ERLEC1: variants seen among roughly 807,000 people sequenced by gnomAD.
ERLEC1 encodes the protein ER lectin.
A neutral mutation model predicts 68.0 loss-of-function variants in ERLEC1; 47 were observed. That is an observed-to-expected ratio of 0.69 (90% CI 0.55 to 0.88). The LOEUF is 0.88. ERLEC1 is among the 40% of genes least tolerant of loss of function. ERLEC1 has a pLI of 0.00. For synonymous variants in ERLEC1, 225 were observed against 203.2 expected (o/e 1.11, Z -0.91); for missense variants, 567 against 583.8 (o/e 0.97, Z 0.30).
chr2:53,788,877 A>G (rs1675228754), intron 1 of ERLEC1, among the ~76,000 whole-genome samples: 1 of 152,112 alleles, frequency 6.6e-6, no homozygotes, highest in South Asian at 2.1e-4. Context: ...TGGAGTGAAT[A>G]TGGCAGATGT....
rs1237346282 is a variant in ERLEC1 at position 53,808,417 on chromosome 2, A to T, written c.998A>T (p.Gln333Leu). ...TTHISKLTDDQLIKEFLSGSY... is the reference protein window; with the variant it reads ...TTHISKLTDDLLIKEFLSGSY... The stretch of plus-strand genomic sequence containing the variant: ...CACATATCCAAATTGACAGATGACC[A>T]ACTCATAAAAGAGTTTCTTAGTGGT... The change falls in exon 9 of 14, where the codon CAA becomes CTA. Residue 333 changes from glutamine to leucine, a missense_variant. Gln to Leu is a moderately radical substitution (Grantham distance 113, BLOSUM62 -2). Transcript: ENST00000185150. 2 of 1,614,088 alleles carry T rather than the reference A, an allele frequency of 1.2e-6. No homozygotes were observed.
chr2:53,814,829 G>A (rs1676778007), intron 12 of ERLEC1, 31 bp from the exon 13 acceptor site: 1 of 1,506,594 alleles, frequency 6.6e-7, no homozygotes, highest in Non-Finnish European at 9.2e-7. Context: ...TAAATGATTT[G>A]GACAGTACCT....
intron 8 of ERLEC1, among the ~76,000 whole-genome samples, chr2:53,805,916 A>G (rs1041531639): frequency 6.6e-6 from 1 of 152,272 alleles, no homozygotes; most frequent in Non-Finnish European, 1.5e-5. Flanking sequence ...GATACTTAGT[A>G]TCTTTAGGGT....
In ERLEC1 at chr2:53,817,895, T is replaced by C. The variant is rs1394098360; in HGVS notation, c.1381-3T>C. The C allele has an allele frequency of 3.8e-6, 6 of 1,599,516 alleles. No individual in the cohort carries two copies. The African/African-American group carries it at 4.0e-5, about 11-fold the overall frequency. On this transcript the variant is annotated splice_polypyrimidine_tract_variant and splice_region_variant and intron_variant, in intron 13 of 13. Transcript: ENST00000185150. Reference sequence around the variant, plus strand: ...TTTTAATGGCTTTGTTGTTCTTCTTTAGGTTGAATCTCCAGTGATCTGTAA... The same window carrying C: ...TTTTAATGGCTTTGTTGTTCTTCTTCAGGTTGAATCTCCAGTGATCTGTAA...
chr2:53,801,955 C>A, intron 8 of ERLEC1, 113 bp downstream of exon 8: 1 of 822,750 alleles, frequency 1.2e-6, no homozygotes, highest in Non-Finnish European at 1.9e-6. Context: ...ATTTTACTGG[C>A]CCAACCTTTT....
intron 8 of ERLEC1, among the ~76,000 whole-genome samples, chr2:53,805,777 G>A (rs1267455195): frequency 6.6e-6 from 1 of 152,062 alleles, no homozygotes; most frequent in Non-Finnish European, 1.5e-5. Flanking sequence ...AGTATACAAG[G>A]GTTACCTTTC....
intron 3 of ERLEC1, 40 bp from the exon 4 acceptor site, chr2:53,797,475 A>G: frequency 1.4e-6 from 2 of 1,462,614 alleles, no homozygotes; most frequent in Non-Finnish European, 1.9e-6. Context: ...CAGCTGAGTT[A>G]TGTGGCTTTT....
intron 6 of ERLEC1, among the ~76,000 whole-genome samples, chr2:53,800,247 C>G (rs1219594295): frequency 1.3e-5 from 2 of 152,062 alleles, no homozygotes; most frequent in African/African-American, 4.8e-5. Context: ...TACAGAATAT[C>G]AGTCATTTCT....
chr2:53,816,872 G>T (rs999401554), intron 13 of ERLEC1, among the ~76,000 whole-genome samples: 3 of 152,086 alleles, frequency 2.0e-5, no homozygotes, highest in African/African-American at 4.8e-5. Context: ...TCTCCTCAAA[G>T]ATTTATTCTG....
intron 10 of ERLEC1, among the ~76,000 whole-genome samples, chr2:53,811,071 C>G (rs1477904258): frequency 6.6e-6 from 1 of 152,070 alleles, no homozygotes; most frequent in Non-Finnish European, 1.5e-5. Context: ...CTTGGTATAA[C>G]TTTTTTATTT....
chr2:53,796,889 C>CTTTTT (rs958244464), intron 3 of ERLEC1, among the ~76,000 whole-genome samples: 42 of 117,230 alleles, frequency 3.6e-4, no homozygotes, highest in Non-Finnish European at 5.3e-4. Flanking sequence ...TTTTCTTTTT[C>CTTTTT]TTTTTTTTTT....
intron 1 of ERLEC1, among the ~76,000 whole-genome samples, chr2:53,793,541 C>T (rs1192990250): frequency 1.3e-5 from 2 of 152,260 alleles, no homozygotes; most frequent in Admixed American, 6.5e-5. Flanking sequence ...TGGCCCTTTA[C>T]AAAAGTTTAA....
chr2:53,796,020 A>G lies in ERLEC1; in HGVS notation c.348+7A>G, dbSNP rs1675676493. On this transcript the variant is annotated splice_region_variant and intron_variant, in intron 3 of 13. Coordinates refer to ENST00000185150, the MANE Select transcript of ERLEC1 (RefSeq NM_015701.5). ...AAGCAGTTGTTCCTACAGAGTATGT[A>G]TTTTATGTTTACTTGATGACTAGAA... 6.4e-7 allele frequency: 1 copy of G among 1,568,946 alleles called. No individual in the cohort carries two copies. The highest frequency in any genetic ancestry group is 8.6e-7 in the Non-Finnish European group (1 of 1,156,672).
intron 8 of ERLEC1, among the ~76,000 whole-genome samples, chr2:53,807,725 G>A (rs1180547722): frequency 2.6e-5 from 4 of 152,086 alleles, no homozygotes; most frequent in Non-Finnish European, 5.9e-5. Context: ...AATGAGACAA[G>A]GTTGGGCATG....
At chr2:53,813,508 A>G (rs1199935423) in intron 11 of ERLEC1, among the ~76,000 whole-genome samples, 1 of 152,216 alleles carries the variant, frequency 6.6e-6, no homozygotes, top group African/African-American at 2.4e-5. Flanking sequence ...AACTGGCTCA[A>G]TTCTGTCAGA....
At chr2:53,798,809 ATTG>A (rs1675852660) in intron 5 of ERLEC1, among the ~76,000 whole-genome samples, 1 of 152,002 alleles carries the variant, frequency 6.6e-6, no homozygotes, top group Non-Finnish European at 1.5e-5. Context: ...TCGAAAGAAA[ATTG>A]TTGTGGCCAG....
At position 53,812,931 on chromosome 2, in the gene ERLEC1, A is replaced by AT. The variant is rs1371059095; in HGVS notation, c.1102-11dup. ...TGATATCAAGCACGCATTATCACAA[A>AT]TTTTTTTCCCATATTAGGACAAGGA... On this transcript the variant is annotated splice_polypyrimidine_tract_variant and intron_variant, in intron 10 of 13. Transcript: ENST00000185150. The AT allele has an allele frequency of 1.9e-6, 3 of 1,597,750 alleles. No homozygotes were observed. Among genetic ancestry groups the AT allele is most frequent in the Non-Finnish European group, 2.6e-6 (3 of 1,176,386 alleles).
At chr2:53,814,504 A>C (rs765342709) in intron 11 of ERLEC1, 39 bp from the exon 12 acceptor site, 2 of 1,461,228 alleles carry the variant, frequency 1.4e-6, no homozygotes, top group Non-Finnish European at 1.9e-6. Context: ...TATTAGTGAG[A>C]TTTTAGTTTA....
intron 4 of ERLEC1, 26 bp from the exon 5 acceptor site, chr2:53,797,706 T>A (rs767770065): frequency 2.9e-4 from 456 of 1,594,046 alleles, no homozygotes; most frequent in Non-Finnish European, 3.6e-4. Flanking sequence ...ATACTTAGTA[T>A]ATTTTTATTT....
Sources: allele counts gnomAD v4.1 joint callset (sites outside exome capture counted in the v4.1 genomes callset), GRCh38; gene constraint gnomAD v4.1.1; transcripts MANE v1.5; gene names NCBI Gene and HGNC (gene_info 2026-07-23, HGNC 2026-07-21).